The following SYT14 variants were observed in gnomAD, a reference collection of about 807,000 sequenced individuals.
The protein encoded by SYT14 is synaptotagmin 14.
In SYT14, 32 loss-of-function variants were observed where a neutral mutation model predicts 74.2. The observed-to-expected ratio is 0.43, with a 90% CI of 0.33 to 0.58. The LOEUF (loss-of-function observed/expected upper bound fraction) is 0.58. SYT14 is among the 20% of genes least tolerant of loss of function. The pLI, the probability that SYT14 is intolerant of heterozygous loss-of-function variation, is 0.05. For missense variants in SYT14, 791 were observed against 981.8 expected, an observed-to-expected ratio of 0.81 and a Z score of 2.60; for synonymous variants, 298 against 337.7, an observed-to-expected ratio of 0.88 and a Z score of 1.29.
In SYT14 at chr1:210,094,598, G is replaced by A. The variant is rs1461032656; in HGVS notation, c.1584+5G>A. The stretch of plus-strand genomic sequence containing the variant: ...ACTGCAGTCCTGAGCCCTGAAGTAA[G>A]TAAAAGCACATAGAAGTTTGAAAAT... On this transcript the variant is annotated splice_donor_5th_base_variant and intron_variant, in intron 6 of 9. Coordinates refer to ENST00000637265, the Ensembl canonical transcript of SYT14. 3 of 1,613,692 alleles carry A rather than the reference G, an allele frequency of 1.9e-6. No homozygotes were observed. The highest frequency in any genetic ancestry group is 2.5e-6 in the Non-Finnish European group (3 of 1,179,872).
chr1:210,171,090 C>A (rs988752175), exon 10 of SYT14: 3 of 152,084 alleles, frequency 2.0e-5, no homozygotes, highest in African/African-American at 7.2e-5. Context: ...TTTCTCTTTG[C>A]CAATAGTAGT....
chr1:209,988,196 C>T (rs1558113040), intron 2 of SYT14, among the ~76,000 whole-genome samples: 1 of 152,122 alleles, frequency 6.6e-6, no homozygotes, highest in Non-Finnish European at 1.5e-5. Context: ...GGTTCATTAA[C>T]ATTTTCTTTT....
At chr1:210,070,193 A>G (rs1342420482) in intron 5 of SYT14, among the ~76,000 whole-genome samples, 2 of 152,030 alleles carry the variant, frequency 1.3e-5, no homozygotes, top group Non-Finnish European at 2.9e-5. Flanking sequence ...GTCACCATAC[A>G]TTTAAGGATC....
chr1:210,019,562 A>G (rs929017359), intron 4 of SYT14, among the ~76,000 whole-genome samples: 4 of 152,194 alleles, frequency 2.6e-5, no homozygotes, highest in Admixed American at 1.3e-4. Flanking sequence ...CACTGCCACA[A>G]TATATGACAT....
chr1:209,952,600 A>T, intron 1 of SYT14, 109 bp from the exon 2 acceptor site: 1 of 892,384 alleles, frequency 1.1e-6, no homozygotes, highest in East Asian at 2.4e-5. Context: ...AGAGTTAGGG[A>T]AACTTTTTTT....
At chr1:210,117,640 A>G (rs2082385820) in intron 7 of SYT14, among the ~76,000 whole-genome samples, 1 of 152,174 alleles carries the variant, frequency 6.6e-6, no homozygotes, top group Non-Finnish European at 1.5e-5. Flanking sequence ...GTAAATGAGC[A>G]TATATTATTA....
chr1:210,072,139 A>G (rs1167300529), intron 5 of SYT14, among the ~76,000 whole-genome samples: 4 of 149,806 alleles, frequency 2.7e-5, no homozygotes, highest in African/African-American at 9.7e-5. Flanking sequence ...AAAGATATAT[A>G]TATATATATA....
At chr1:210,077,168 G>A (rs2081517505) in intron 5 of SYT14, among the ~76,000 whole-genome samples, 1 of 152,122 alleles carries the variant, frequency 6.6e-6, no homozygotes. Flanking sequence ...GAGGCTTCAG[G>A]GAGCTTTTAC....
chr1:209,998,298 A>C (rs1401539137), intron 2 of SYT14, among the ~76,000 whole-genome samples: 1 of 152,104 alleles, frequency 6.6e-6, no homozygotes, highest in African/African-American at 2.4e-5. Context: ...AAGAAATTGA[A>C]GAGGACCCAA....
exon 4 of SYT14, chr1:210,016,724 A>G (rs1422390833): frequency 4.9e-6 from 6 of 1,231,770 alleles, no homozygotes; most frequent in African/African-American, 1.6e-5. Flanking sequence ...AGATCAAGAG[A>G]ATATGGGGCA....
At chr1:210,059,451 T>TATATATATATATATATATATAGAGAG (rs377050610) in intron 5 of SYT14, among the ~76,000 whole-genome samples, 2 of 69,904 alleles carry the variant, frequency 2.9e-5, no homozygotes, top group African/African-American at 7.8e-5. Flanking sequence ...TATATATATA[T>TATATATATATATATATATATAGAGAG]AGAGAGAGAG....
chr1:209,942,131 A>G (rs968892263), intron 1 of SYT14, among the ~76,000 whole-genome samples: 1 of 152,160 alleles, frequency 6.6e-6, no homozygotes, highest in Non-Finnish European at 1.5e-5. Flanking sequence ...TATGATCTCA[A>G]GCCAAGTTTC....
intron 5 of SYT14, among the ~76,000 whole-genome samples, chr1:210,048,266 C>T (rs2080923536): frequency 6.6e-6 from 1 of 152,188 alleles, no homozygotes; most frequent in African/African-American, 2.4e-5. Flanking sequence ...CTCAAACCGA[C>T]TCCCACATCT....
At position 209,986,539 on chromosome 1, in the gene SYT14, G is replaced by A. The variant is rs563984692; in HGVS notation, c.-485-27094G>A. ...GAGGCAGGAGAATGGCGTGAACCCA[G>A]GAGGTGGAGCTTGCAGTGAGCCAAG... On this transcript the variant is annotated intron_variant, in intron 2 of 9. Coordinates refer to ENST00000637265, the Ensembl canonical transcript of SYT14. Among the ~76,000 whole-genome samples, 11 of 152,130 alleles carry A rather than the reference G, an allele frequency of 7.2e-5. 2 individuals carry two copies. In the South Asian group the frequency reaches 2.3e-3, roughly 32 times the overall value.
At chr1:209,969,389 G>T (rs1012229034) in intron 2 of SYT14, among the ~76,000 whole-genome samples, 2 of 151,790 alleles carry the variant, frequency 1.3e-5, no homozygotes, top group Non-Finnish European at 2.9e-5. Context: ...CCCTTTTTCT[G>T]CAGCCTCACC....
chr1:210,034,552 A>G (rs2080613708), intron 5 of SYT14, among the ~76,000 whole-genome samples: 1 of 151,478 alleles, frequency 6.6e-6, no homozygotes, highest in African/African-American at 2.4e-5. Context: ...AATAGAGTAC[A>G]TTGTACTCAT....
chr1:210,022,511 G>GT (rs1397638101), intron 5 of SYT14, among the ~76,000 whole-genome samples: 4 of 152,218 alleles, frequency 2.6e-5, no homozygotes, highest in African/African-American at 9.7e-5. Context: ...TACATGAATA[G>GT]TAGAGCAGGA....
At chr1:210,076,755 C>A (rs376959440) in intron 5 of SYT14, among the ~76,000 whole-genome samples, 1 of 152,098 alleles carries the variant, frequency 6.6e-6, no homozygotes, top group African/African-American at 2.4e-5. Flanking sequence ...GCAAGTGCTA[C>A]ACACGTTTAA....
chr1:210,088,851 A>G (rs1218331201), intron 5 of SYT14, among the ~76,000 whole-genome samples: 1 of 151,866 alleles, frequency 6.6e-6, no homozygotes, highest in Non-Finnish European at 1.5e-5. Flanking sequence ...GTAGTTGTGT[A>G]GATCATTTTC....
Sources: allele counts gnomAD v4.1 joint callset (sites outside exome capture counted in the v4.1 genomes callset), GRCh38; gene constraint gnomAD v4.1.1; transcripts MANE v1.5; gene names NCBI Gene and HGNC (gene_info 2026-07-23, HGNC 2026-07-21).